SHISA9: variants seen among roughly 807,000 people sequenced by gnomAD.
SHISA9 encodes shisa family member 9.
In SHISA9, 13 loss-of-function variants were observed where a neutral mutation model predicts 38.0. That is an observed-to-expected ratio of 0.34 (90% confidence interval 0.22 to 0.54). The LOEUF (loss-of-function observed/expected upper bound fraction) is 0.54, where lower values mean the gene tolerates loss of function less well. SHISA9 is among the 20% of genes least tolerant of loss of function. SHISA9 has a pLI of 0.91. For missense variants in SHISA9, 538 were observed against 575.8 expected, an observed-to-expected ratio of 0.93 and a Z score of 0.67; for synonymous variants, 275 against 242.0, an observed-to-expected ratio of 1.14 and a Z score of -1.27.
intron 2 of SHISA9, among the ~76,000 whole-genome samples, chr16:13,043,363 C>T (rs2073153427): frequency 6.6e-6 from 1 of 152,186 alleles, no homozygotes; most frequent in Non-Finnish European, 1.5e-5. Context: ...GCTGAACACC[C>T]AGGAGGAAAG....
At chr16:13,507,898 G>C in the SHISA9 span, among the ~76,000 whole-genome samples, 1 of 152,166 alleles carries the variant, frequency 6.6e-6, no homozygotes, top group Non-Finnish European at 1.5e-5. Context: ...CGTGCCTTAG[G>C]TGCACACACT....
At chr16:13,187,479 C>T (rs751028829) in intron 2 of SHISA9, among the ~76,000 whole-genome samples, 7 of 151,856 alleles carry the variant, frequency 4.6e-5, no homozygotes, top group South Asian at 2.1e-4. Flanking sequence ...GAACTACAGA[C>T]GTGCACCACC....
chr16:13,272,087 AAAAAAG>A, the SHISA9 span, among the ~76,000 whole-genome samples: 1 of 138,116 alleles, frequency 7.2e-6, no homozygotes, highest in Non-Finnish European at 1.6e-5. Context: ...TAAAAAAAAA[AAAAAAG>A]AGAGAGAGAA....
the SHISA9 span, among the ~76,000 whole-genome samples, chr16:13,390,396 G>C: frequency 1.6e-3 from 239 of 152,240 alleles, no homozygotes; most frequent in African/African-American, 5.3e-3. Flanking sequence ...CAGTTGTGTT[G>C]TGGTCCAGTT....
At chr16:13,198,221 T>C (rs990756061) in intron 2 of SHISA9, among the ~76,000 whole-genome samples, 5 of 147,886 alleles carry the variant, frequency 3.4e-5, no homozygotes, top group Non-Finnish European at 6.1e-5. Context: ...TATGCATACA[T>C]ATATACTTGT....
chr16:13,537,726 G>T, the SHISA9 span, among the ~76,000 whole-genome samples: 1 of 152,104 alleles, frequency 6.6e-6, no homozygotes, highest in African/African-American at 2.4e-5. Context: ...GCATCAAAAA[G>T]GATGCATTGT....
chr16:13,267,922 T>TAG, the SHISA9 span, among the ~76,000 whole-genome samples: 8 of 150,364 alleles, frequency 5.3e-5, no homozygotes, highest in African/African-American at 1.5e-4. Flanking sequence ...TCTATTGGAA[T>TAG]AGACATTTCT....
the SHISA9 span, among the ~76,000 whole-genome samples, chr16:13,323,582 A>G: frequency 6.6e-6 from 1 of 152,182 alleles, no homozygotes; most frequent in Non-Finnish European, 1.5e-5. Flanking sequence ...TGTGTCATCT[A>G]TAAAGAAAAG....
At chr16:13,000,120 G>C (rs2141840562) in intron 2 of SHISA9, among the ~76,000 whole-genome samples, 1 of 151,838 alleles carries the variant, frequency 6.6e-6, no homozygotes, top group East Asian at 1.9e-4. Flanking sequence ...ATGAATTAGG[G>C]ACACTTAGCA....
chr16:13,267,230 G>C, the SHISA9 span, among the ~76,000 whole-genome samples: 1 of 152,094 alleles, frequency 6.6e-6, no homozygotes, highest in Non-Finnish European at 1.5e-5. Flanking sequence ...GATCCTGAAA[G>C]CTAAATTAGA....
At chr16:13,398,925 G>A in the SHISA9 span, among the ~76,000 whole-genome samples, 3 of 152,266 alleles carry the variant, frequency 2.0e-5, no homozygotes, top group East Asian at 5.8e-4. Flanking sequence ...GGGTCATTCA[G>A]CAAATATCAA....
chr16:13,324,209 T>C, the SHISA9 span, among the ~76,000 whole-genome samples: 1 of 152,246 alleles, frequency 6.6e-6, no homozygotes, highest in Non-Finnish European at 1.5e-5. Context: ...CTTTTCTTTA[T>C]GAATTACCCA....
At chr16:13,026,381 A>G (rs2072922528) in intron 2 of SHISA9, among the ~76,000 whole-genome samples, 1 of 152,190 alleles carries the variant, frequency 6.6e-6, no homozygotes, top group African/African-American at 2.4e-5. Context: ...AGTCTTATCT[A>G]TGTGTCTTAC....
rs369711571 is a variant in SHISA9, at chr16:12,996,853, G to A, written c.691+80038G>A. ...AAAAGTTTCGTGGCTAAGAAAATTCGAAAAAGATGGATGCCAAAATTAGCT... is the reference window on the plus strand; with the variant it reads ...AAAAGTTTCGTGGCTAAGAAAATTCAAAAAAGATGGATGCCAAAATTAGCT... On this transcript the variant is annotated intron_variant, in intron 2 of 4. Coordinates refer to ENST00000558583, the MANE Select transcript of SHISA9 (RefSeq NM_001145204.3). Among the ~76,000 whole-genome samples, 6 of 152,184 alleles carry A rather than the reference G, an allele frequency of 3.9e-5. No homozygotes were observed. In the South Asian group the frequency reaches 6.2e-4, roughly 16 times the overall value.
At chr16:13,071,596 C>CCTTCCCTTT (rs1331235137) in intron 2 of SHISA9, among the ~76,000 whole-genome samples, 1 of 148,062 alleles carries the variant, frequency 6.8e-6, no homozygotes, top group Non-Finnish European at 1.5e-5. Flanking sequence ...TTCCTTCCTT[C>CCTTCCCTTT]CTTCCCTTTC....
Position 12,963,370 on chromosome 16 carries a change from T to C in SHISA9, c.691+46555T>C, listed in dbSNP as rs75713378. Among the ~76,000 whole-genome samples the C allele has an allele frequency of 2.1e-4, 32 of 152,286 alleles. 1 individual carries two copies. The East Asian group carries it at 5.8e-3, about 28-fold the overall frequency. On this transcript the variant is annotated intron_variant, in intron 2 of 4. Transcript: ENST00000558583. ...CTGGAGACCAAATGTGTATGCAACA[T>C]GGCCTTTGTCTTCAGGAGCTCCTAG...
At chr16:13,076,758 TTCTC>T (rs1417778981) in intron 2 of SHISA9, among the ~76,000 whole-genome samples, 3 of 152,206 alleles carry the variant, frequency 2.0e-5, no homozygotes, top group Non-Finnish European at 4.4e-5. Context: ...TTTCCTTACT[TTCTC>T]TCCATTTCTT....
downstream of SHISA9, among the ~76,000 whole-genome samples, chr16:13,241,565 G>A (rs536691633): frequency 6.6e-6 from 1 of 152,278 alleles, no homozygotes; most frequent in African/African-American, 2.4e-5. Context: ...GTGATTATAA[G>A]CCAGTCACTG....
the SHISA9 span, among the ~76,000 whole-genome samples, chr16:13,469,391 AAG>A: frequency 1.0e-3 from 126 of 125,912 alleles, 1 homozygote; most frequent in East Asian, 3.1e-3. Context: ...GAAAGAAAGA[AAG>A]AAAGAAAGAA....
Sources: gnomAD v4.1 joint callset for allele counts (sites outside exome capture counted in the v4.1 genomes callset) on GRCh38, gnomAD v4.1.1 for gene constraint, MANE v1.5 for transcripts, NCBI Gene and HGNC (gene_info 2026-07-23, HGNC 2026-07-21) for gene names.